The following GADL1 variants were observed in gnomAD, a reference collection of about 807,000 sequenced individuals.
GADL1 encodes the protein GAD like acidic amino acid decarboxylase 1.
In GADL1, 71 loss-of-function variants were observed where a neutral mutation model predicts 69.5. The observed-to-expected ratio is 1.02, with a 90% CI of 0.84 to 1.25. GADL1 has a LOEUF of 1.25. Ranked by LOEUF, GADL1 falls within the 50% of genes most tolerant of loss-of-function variation. The pLI is 0.00. For missense variants in GADL1, 737 were observed against 631.8 expected (o/e 1.17, Z -1.79); for synonymous variants, 254 against 214.4 (o/e 1.18, Z -1.62).
In GADL1 at chr3:30,769,408, C is replaced by T. The variant is rs1696364005; in HGVS notation, c.1392+8771G>A. ...CACGCACACACACACACCCAGATACCTCCTTAGGTTACGCAAAGAGGGAAG... is the reference window on the plus strand; with the variant it reads ...CACGCACACACACACACCCAGATACTTCCTTAGGTTACGCAAAGAGGGAAG... On this transcript the variant is annotated intron_variant, in intron 14 of 14. Coordinates refer to ENST00000282538, the MANE Select transcript of GADL1 (RefSeq NM_207359.3). Among the ~76,000 whole-genome samples, 2 of 152,068 alleles carry T rather than the reference C, an allele frequency of 1.3e-5. 1 individual carries two copies. The highest frequency in any genetic ancestry group is 4.1e-4 in the South Asian group (2 of 4,822).
chr3:30,736,632 A>G (rs1319582975), intron 14 of GADL1, among the ~76,000 whole-genome samples: 1 of 152,192 alleles, frequency 6.6e-6, no homozygotes, highest in Non-Finnish European at 1.5e-5. Context: ...AAGTGTCTAA[A>G]CTGGATTTAA....
chr3:30,806,000 C>T (rs993249667), intron 11 of GADL1, among the ~76,000 whole-genome samples: 5 of 151,858 alleles, frequency 3.3e-5, no homozygotes, highest in Admixed American at 2.0e-4. Flanking sequence ...GCTCACCTAC[C>T]ACTCACCTCC....
intron 14 of GADL1, among the ~76,000 whole-genome samples, chr3:30,737,534 T>C (rs901151113): frequency 1.3e-5 from 2 of 152,148 alleles, no homozygotes; most frequent in Admixed American, 6.6e-5. Context: ...TTTAAACCTA[T>C]CTAATTCTTC....
intron 14 of GADL1, among the ~76,000 whole-genome samples, chr3:30,776,268 G>A (rs1696534376): frequency 6.6e-6 from 1 of 152,146 alleles, no homozygotes; most frequent in East Asian, 1.9e-4. Flanking sequence ...CTAGCTTAGT[G>A]AGAAAAATGG....
intron 11 of GADL1, among the ~76,000 whole-genome samples, chr3:30,805,734 CTT>C (rs34788058): frequency 0.03 from 1,973 of 66,030 alleles, 40 homozygotes; most frequent in East Asian, 0.17. Context: ...AGTCCCCAGC[CTT>C]TTTTTTTTTT....
chr3:30,826,235 T>C (rs1462137057), intron 11 of GADL1, among the ~76,000 whole-genome samples: 1 of 151,956 alleles, frequency 6.6e-6, no homozygotes, highest in Non-Finnish European at 1.5e-5. Context: ...CTCTCTGGGA[T>C]ATTTTTCAAC....
intron 11 of GADL1, among the ~76,000 whole-genome samples, chr3:30,809,133 C>T (rs1285239217): frequency 6.6e-6 from 1 of 152,190 alleles, no homozygotes; most frequent in Non-Finnish European, 1.5e-5. Flanking sequence ...TTTATGTTCA[C>T]CTATAATCCA....
At chr3:30,861,282 A>T (rs536935575) in intron 2 of GADL1, among the ~76,000 whole-genome samples, 1 of 151,820 alleles carries the variant, frequency 6.6e-6, no homozygotes, top group African/African-American at 2.4e-5. Context: ...TTAGCAGGTT[A>T]CTTATCTATG....
chr3:30,836,779 C>A (rs545353533), intron 9 of GADL1, among the ~76,000 whole-genome samples: 1 of 152,168 alleles, frequency 6.6e-6, no homozygotes, highest in African/African-American at 2.4e-5. Flanking sequence ...GGCTTTCCAG[C>A]AGCTACAACC....
chr3:30,864,330 TTA>T (rs960112386), intron 1 of GADL1, among the ~76,000 whole-genome samples: 7 of 151,902 alleles, frequency 4.6e-5, no homozygotes, highest in Admixed American at 4.6e-4. Context: ...AGCCTGCTCA[TTA>T]TGTTTCTCTT....
intron 1 of GADL1, among the ~76,000 whole-genome samples, chr3:30,862,159 A>G (rs6787071): frequency 0.21 from 31,172 of 151,694 alleles, 3,675 homozygotes; most frequent in East Asian, 0.51. Flanking sequence ...TAGAATGCTG[A>G]TTCACAAAGC....
intron 14 of GADL1, among the ~76,000 whole-genome samples, chr3:30,738,359 T>C (rs1400841515): frequency 6.6e-6 from 1 of 152,180 alleles, no homozygotes; most frequent in Admixed American, 6.5e-5. Context: ...CTCACAATGC[T>C]GAAAATAAAT....
chr3:30,864,029 C>A (rs1169218331), intron 1 of GADL1, among the ~76,000 whole-genome samples: 1 of 151,960 alleles, frequency 6.6e-6, no homozygotes, highest in Non-Finnish European at 1.5e-5. Flanking sequence ...TAGTTCCAGC[C>A]CTCACTTTCA....
At chr3:30,849,390 AACTC>A (rs758420176) in intron 6 of GADL1, among the ~76,000 whole-genome samples, 44 of 152,280 alleles carry the variant, frequency 2.9e-4, no homozygotes, top group Admixed American at 5.2e-4. Flanking sequence ...CAAAGAAATT[AACTC>A]ACTCAAGGTT....
At chr3:30,787,536 G>T (rs992494467) in intron 12 of GADL1, among the ~76,000 whole-genome samples, 1 of 152,116 alleles carries the variant, frequency 6.6e-6, no homozygotes. Context: ...GGAAATAATA[G>T]AGACGCTGAC....
intron 1 of GADL1, among the ~76,000 whole-genome samples, chr3:30,875,242 T>C (rs1698560802): frequency 6.6e-6 from 1 of 150,842 alleles, no homozygotes; most frequent in Non-Finnish European, 1.5e-5. Flanking sequence ...CACCTCTTGA[T>C]GACAGAAGGC....
At chr3:30,828,968 A>G (rs1697739693) in intron 11 of GADL1, among the ~76,000 whole-genome samples, 1 of 151,962 alleles carries the variant, frequency 6.6e-6, no homozygotes, top group African/African-American at 2.4e-5. Flanking sequence ...AGCATGTTTC[A>G]TGTTCTCATA....
chr3:30,795,558 A>AT (rs1387892005), intron 12 of GADL1, among the ~76,000 whole-genome samples: 5 of 152,188 alleles, frequency 3.3e-5, no homozygotes, highest in Non-Finnish European at 7.4e-5. Flanking sequence ...ATACCACTGC[A>AT]TATAGGCTTA....
At position 30,763,360 on chromosome 3, in the gene GADL1, A is replaced by G. The variant is rs1405053250; in HGVS notation, c.1392+14819T>C. ...CTAAAAATAACACAAAAAATTAACC[A>G]AGTATAGTGGCCGGCGCCTGTAGTC... On this transcript the variant is annotated intron_variant, in intron 14 of 14. Transcript: ENST00000282538. 6.6e-5 allele frequency among the ~76,000 whole-genome samples: 10 copies of G among 151,970 alleles called. No individual in the cohort carries two copies. In the East Asian group the frequency reaches 1.2e-3, roughly 18 times the overall value.
Sources: allele counts gnomAD v4.1 joint callset (sites outside exome capture counted in the v4.1 genomes callset), GRCh38; gene constraint gnomAD v4.1.1; transcripts MANE v1.5; gene names NCBI Gene and HGNC (gene_info 2026-07-23, HGNC 2026-07-21).